The following PLXDC2 variants were observed in gnomAD, a reference collection of about 807,000 sequenced individuals.
PLXDC2 encodes the protein plexin domain containing 2.
PLXDC2 carries 40 observed loss-of-function variants against 68.9 expected under a neutral mutation model. The ratio of observed to expected loss-of-function variants is 0.58; its 90% CI spans 0.45 to 0.76. PLXDC2 has a LOEUF of 0.76. PLXDC2 is among the 30% of genes least tolerant of loss of function. PLXDC2 has a pLI of 0.00. For synonymous variants in PLXDC2, 243 were observed against 234.2 expected, an observed-to-expected ratio of 1.04 and a Z score of -0.34; for missense variants, 644 against 661.9, an observed-to-expected ratio of 0.97 and a Z score of 0.30.
At chr10:20,036,403 G>T (rs148467379) in intron 2 of PLXDC2, among the ~76,000 whole-genome samples, 2 of 152,190 alleles carry the variant, frequency 1.3e-5, no homozygotes, top group East Asian at 3.9e-4. Flanking sequence ...GAATCAGCTG[G>T]AATCTCGATC....
At chr10:20,111,724 CCTT>C (rs1319609312) in intron 4 of PLXDC2, among the ~76,000 whole-genome samples, 1 of 152,166 alleles carries the variant, frequency 6.6e-6, no homozygotes, top group African/African-American at 2.4e-5. Context: ...CACGGTTACT[CCTT>C]CTTGTAAGAA....
chr10:20,212,962 G>C (rs547030439), intron 10 of PLXDC2, among the ~76,000 whole-genome samples: 39 of 152,050 alleles, frequency 2.6e-4, no homozygotes, highest in Non-Finnish European at 3.2e-4. Context: ...GATTGAGAAT[G>C]TAATTCAGAT....
chr10:19,974,452 T>A (rs1834414783), intron 1 of PLXDC2, among the ~76,000 whole-genome samples: 1 of 152,242 alleles, frequency 6.6e-6, no homozygotes, highest in Admixed American at 6.5e-5. Flanking sequence ...AGGCCATACT[T>A]CACTGGCTGA....
chr10:20,050,770 T>C (rs1351433875), intron 3 of PLXDC2, among the ~76,000 whole-genome samples: 3 of 151,914 alleles, frequency 2.0e-5, no homozygotes, highest in Non-Finnish European at 2.9e-5. Flanking sequence ...AAGGGAACAC[T>C]TATACACTGT....
intron 1 of PLXDC2, among the ~76,000 whole-genome samples, chr10:19,993,011 C>G (rs953505219): frequency 6.6e-6 from 1 of 152,160 alleles, no homozygotes; most frequent in Non-Finnish European, 1.5e-5. Context: ...CTCTGGCTGC[C>G]TCCCCGAACC....
chr10:20,188,333 C>T (rs1407301005), intron 9 of PLXDC2, among the ~76,000 whole-genome samples: 1 of 151,012 alleles, frequency 6.6e-6, no homozygotes, highest in African/African-American at 2.4e-5. Flanking sequence ...TTTTTAGCTT[C>T]CATGTGTGTG....
intron 6 of PLXDC2, among the ~76,000 whole-genome samples, chr10:20,155,973 G>A (rs1298554596): frequency 3.3e-5 from 5 of 152,212 alleles, no homozygotes; most frequent in East Asian, 1.9e-4. Flanking sequence ...TCTGCCTCCC[G>A]AGTTCAAATG....
intron 4 of PLXDC2, among the ~76,000 whole-genome samples, chr10:20,070,121 T>A (rs1021903298): frequency 2.0e-5 from 3 of 152,144 alleles, no homozygotes; most frequent in South Asian, 2.1e-4. Context: ...ATGGTATCTT[T>A]ACCAAAAAAT....
intron 6 of PLXDC2, among the ~76,000 whole-genome samples, chr10:20,161,359 A>G (rs184787649): frequency 2.8e-4 from 42 of 152,146 alleles, no homozygotes; most frequent in African/African-American, 9.9e-4. Flanking sequence ...TGTGTCTTGT[A>G]TACATCTGCA....
chr10:19,820,611 G>A lies in PLXDC2; in HGVS notation c.112+3420G>A, dbSNP rs371184780. Among the ~76,000 whole-genome samples, 7 of 150,438 alleles carry A rather than the reference G, an allele frequency of 4.7e-5. No homozygotes were observed. In the South Asian group the frequency reaches 6.3e-4, roughly 14 times the overall value. On this transcript the variant is annotated intron_variant, in intron 1 of 13. Coordinates refer to ENST00000377252, the MANE Select transcript of PLXDC2 (RefSeq NM_032812.9). ...ATTGCGCCACTGCAGTCCGCAGTCC[G>A]GCCTGGGCGACAGAGCGAGACTCCG...
intron 1 of PLXDC2, among the ~76,000 whole-genome samples, chr10:19,955,114 T>A (rs910208820): frequency 6.7e-6 from 1 of 149,482 alleles, no homozygotes; most frequent in East Asian, 2.0e-4. Context: ...CAGGGTCTTG[T>A]TCTGTTGCCC....
At chr10:19,941,222 T>TGAGTC (rs1354471021) in intron 1 of PLXDC2, among the ~76,000 whole-genome samples, 9 of 152,286 alleles carry the variant, frequency 5.9e-5, no homozygotes, top group South Asian at 4.1e-4. Flanking sequence ...CAGTACCGTG[T>TGAGTC]GAGTCTGCTA....
chr10:19,933,242 G>A (rs577211218), intron 1 of PLXDC2, among the ~76,000 whole-genome samples: 2 of 152,158 alleles, frequency 1.3e-5, no homozygotes, highest in South Asian at 4.1e-4. Context: ...AGTATCTTTT[G>A]TAATATTAAA....
intron 9 of PLXDC2, 76 bp downstream of exon 9, chr10:20,177,485 T>C (rs1046059201): frequency 1.2e-5 from 9 of 757,944 alleles, no homozygotes; most frequent in Admixed American, 3.9e-5. Context: ...AAATAACTTA[T>C]GGACAGGTGC....
intron 2 of PLXDC2, among the ~76,000 whole-genome samples, chr10:20,025,667 G>A (rs568415458): frequency 6.6e-6 from 1 of 152,048 alleles, no homozygotes; most frequent in Non-Finnish European, 1.5e-5. Flanking sequence ...TTTTTTATAT[G>A]TTTGTTGGCT....
intron 1 of PLXDC2, among the ~76,000 whole-genome samples, chr10:19,834,388 C>A (rs1287012890): frequency 6.6e-6 from 1 of 150,914 alleles, no homozygotes; most frequent in Non-Finnish European, 1.5e-5. Context: ...TGTGAAGAGA[C>A]AGGGGTTAAC....
At chr10:20,145,696 C>T (rs1440065891) in intron 5 of PLXDC2, among the ~76,000 whole-genome samples, 1 of 151,956 alleles carries the variant, frequency 6.6e-6, no homozygotes, top group African/African-American at 2.4e-5. Context: ...ACTACAGGCG[C>T]CCACCACCAC....
intron 4 of PLXDC2, among the ~76,000 whole-genome samples, chr10:20,095,731 C>A (rs1395256525): frequency 2.6e-5 from 4 of 151,848 alleles, no homozygotes; most frequent in Non-Finnish European, 5.9e-5. Flanking sequence ...TTTAGGCAGA[C>A]GAGTTGTGAG....
chr10:20,057,491 A>G (rs1201212629), intron 3 of PLXDC2, among the ~76,000 whole-genome samples: 1 of 152,218 alleles, frequency 6.6e-6, no homozygotes, highest in South Asian at 2.1e-4. Flanking sequence ...CCAGGTTTCT[A>G]TGTGGATTGC....
Sources: gnomAD v4.1 joint callset for allele counts (sites outside exome capture counted in the v4.1 genomes callset) on GRCh38, gnomAD v4.1.1 for gene constraint, MANE v1.5 for transcripts, NCBI Gene and HGNC (gene_info 2026-07-23, HGNC 2026-07-21) for gene names.